The following ERGIC1 variants were observed in gnomAD, a reference collection of about 807,000 sequenced individuals.
The protein encoded by ERGIC1 is endoplasmic reticulum-golgi intermediate compartment 1.
A neutral mutation model predicts 38.3 loss-of-function variants in ERGIC1; 19 were observed. The ratio of observed to expected loss-of-function variants is 0.50; its 90% CI spans 0.35 to 0.73. The LOEUF (loss-of-function observed/expected upper bound fraction) is 0.73. ERGIC1 is among the 30% of genes least tolerant of loss of function. The pLI is 0.01. For missense variants in ERGIC1, 294 were observed against 389.2 expected, an observed-to-expected ratio of 0.76 and a Z score of 2.06; for synonymous variants, 124 against 157.6, an observed-to-expected ratio of 0.79 and a Z score of 1.60.
intron 1 of ERGIC1, among the ~76,000 whole-genome samples, chr5:172,875,295 A>G (rs192657139): frequency 2.2e-4 from 34 of 152,194 alleles, no homozygotes; most frequent in African/African-American, 8.2e-4. Flanking sequence ...AGGATGCCAG[A>G]GTTTTTATCT....
Position 172,914,849 on chromosome 5 carries a change from C to T in ERGIC1, c.375+11C>T, listed in dbSNP as rs2113408549. 1 of 1,614,076 alleles carries T rather than the reference C, an allele frequency of 6.2e-7. No homozygotes were observed. The highest frequency in any genetic ancestry group is 8.5e-7 in the Non-Finnish European group (1 of 1,179,998). On this transcript the variant is annotated intron_variant, in intron 5 of 9. Coordinates refer to ENST00000393784, the MANE Select transcript of ERGIC1 (RefSeq NM_001031711.3). ...TTCAGCATCAACAAGGTATGGAAGCCCTGCCTCAGCCCTTTCTACCTGCTC... is the reference window on the plus strand; with the variant it reads ...TTCAGCATCAACAAGGTATGGAAGCTCTGCCTCAGCCCTTTCTACCTGCTC...
intron 1 of ERGIC1, among the ~76,000 whole-genome samples, chr5:172,859,940 G>A (rs1321691973): frequency 6.6e-6 from 1 of 152,258 alleles, no homozygotes; most frequent in Non-Finnish European, 1.5e-5. Context: ...CCTTTAAGCT[G>A]TGCTTTGCCT....
intron 1 of ERGIC1, among the ~76,000 whole-genome samples, chr5:172,851,221 T>A (rs770849976): frequency 0.066 from 7,138 of 108,048 alleles, 236 homozygotes; most frequent in Middle Eastern, 0.16. Context: ...AAAAAAAAAA[T>A]TAAAAATTCA....
chr5:172,952,572 A>G lies in ERGIC1; in HGVS notation c.*1756A>G, dbSNP rs1318237574. 6.6e-6 allele frequency: 1 copy of G among 151,496 alleles called. No homozygotes were observed. The highest frequency in any genetic ancestry group is 2.4e-5 in the African/African-American group (1 of 41,210). 9.4% of individuals were successfully genotyped at this position (151,496 alleles called of 1,614,324 possible). A position where few individuals can be genotyped will look rare whatever the true frequency, so the allele number is the denominator to read the frequency against. On this transcript the variant is annotated 3_prime_UTR_variant, in exon 10 of 10. Coordinates refer to ENST00000393784, the MANE Select transcript of ERGIC1 (RefSeq NM_001031711.3). Reference sequence around the variant, plus strand: ...ATAGGGGATGTCAGTTTCCTATGGAAGAGACACCTCTGACCCGTTATTCTT... The same window carrying G: ...ATAGGGGATGTCAGTTTCCTATGGAGGAGACACCTCTGACCCGTTATTCTT...
At chr5:172,919,593 T>C (rs1486940330) in intron 5 of ERGIC1, among the ~76,000 whole-genome samples, 1 of 152,242 alleles carries the variant, frequency 6.6e-6, no homozygotes, top group African/African-American at 2.4e-5. Context: ...CCATGGTCAC[T>C]GGTTGAATGA....
Position 172,846,260 on chromosome 5 carries a change from C to A in ERGIC1, c.20+11827C>A, listed in dbSNP as rs2113526175. ...CCTCCTGGAGGGAAGTGGACTGACT[C>A]CCAGCATCTAGAATCCCTTGTGTGA... On this transcript the variant is annotated intron_variant, in intron 1 of 9. Transcript: ENST00000393784. The surrounding 1 kb of genome is among the most constrained non-coding windows in gnomAD (Gnocchi z 4.0). Among the ~76,000 whole-genome samples, 1 of 152,310 alleles carries A rather than the reference C, an allele frequency of 6.6e-6. No homozygotes were observed. Among genetic ancestry groups the A allele is most frequent in the South Asian group, 2.1e-4 (1 of 4,828 alleles).
At chr5:172,891,214 G>T (rs1332591864) in intron 2 of ERGIC1, among the ~76,000 whole-genome samples, 1 of 152,086 alleles carries the variant, frequency 6.6e-6, no homozygotes. Context: ...GTGCAGCTTT[G>T]TGCCTTGACT....
chr5:172,878,437 CAG>C (rs1762199839), intron 1 of ERGIC1, among the ~76,000 whole-genome samples: 1 of 152,132 alleles, frequency 6.6e-6, no homozygotes, highest in Admixed American at 6.5e-5. Context: ...GCAAGTAAAA[CAG>C]AAAGAATGCT....
chr5:172,949,516 T>C (rs1232785331), intron 9 of ERGIC1, among the ~76,000 whole-genome samples: 2 of 152,310 alleles, frequency 1.3e-5, no homozygotes, highest in African/African-American at 4.8e-5. Context: ...TATATTATGA[T>C]GTGGCAGACA....
At chr5:172,865,543 C>T (rs545850034) in intron 1 of ERGIC1, among the ~76,000 whole-genome samples, 2 of 152,202 alleles carry the variant, frequency 1.3e-5, no homozygotes, top group Admixed American at 1.3e-4. Flanking sequence ...TACCTGATAC[C>T]CCCATGTGGC....
At chr5:172,874,076 A>G (rs916675295) in intron 1 of ERGIC1, among the ~76,000 whole-genome samples, 8 of 151,846 alleles carry the variant, frequency 5.3e-5, no homozygotes, top group African/African-American at 1.9e-4. Flanking sequence ...GGGCCCTGGA[A>G]TCTGCAAATT....
intron 9 of ERGIC1, among the ~76,000 whole-genome samples, chr5:172,945,661 G>A (rs963912154): frequency 1.1e-4 from 16 of 141,920 alleles, no homozygotes; most frequent in Non-Finnish European, 2.2e-4. Context: ...TAGAGCCGCA[G>A]GGGTTTTGTC....
intron 4 of ERGIC1, among the ~76,000 whole-genome samples, chr5:172,911,595 C>T (rs1763209801): frequency 6.6e-6 from 1 of 152,102 alleles, no homozygotes; most frequent in South Asian, 2.1e-4. Context: ...AACGCATGCT[C>T]ATCATTGTAC....
intron 9 of ERGIC1, among the ~76,000 whole-genome samples, chr5:172,943,334 C>G (rs1420140016): frequency 2.0e-5 from 3 of 151,800 alleles, no homozygotes; most frequent in African/African-American, 7.3e-5. Context: ...ATACCACACG[C>G]TCTCCTCCCC....
intron 5 of ERGIC1, 102 bp downstream of exon 5, chr5:172,914,940 G>A (rs2113409248): frequency 6.4e-7 from 1 of 1,551,714 alleles, no homozygotes; most frequent in Non-Finnish European, 8.8e-7. Flanking sequence ...ACCTGACCCT[G>A]ACACAGCCCC....
chr5:172,930,095 G>C (rs1456194750), intron 7 of ERGIC1, among the ~76,000 whole-genome samples: 4 of 151,438 alleles, frequency 2.6e-5, no homozygotes, highest in South Asian at 2.1e-4. Context: ...GGCTGAGGAA[G>C]GAGAATCACT....
chr5:172,878,918 C>T (rs759334499), intron 1 of ERGIC1, among the ~76,000 whole-genome samples: 7 of 152,190 alleles, frequency 4.6e-5, no homozygotes, highest in East Asian at 1.9e-4. Flanking sequence ...CCCTGGCACT[C>T]GGCACCGAGG....
At position 172,901,251 on chromosome 5, in the gene ERGIC1, G is replaced by C. The variant is rs925652808; in HGVS notation, c.155+4177G>C. Reference sequence around the variant, plus strand: ...CTGGCCTGGGCCTGGTGGGGGGTGAGGGGGAGGCACATTTGTTTGGGTGGT... The same window carrying C: ...CTGGCCTGGGCCTGGTGGGGGGTGACGGGGAGGCACATTTGTTTGGGTGGT... On this transcript the variant is annotated intron_variant, in intron 3 of 9. Transcript: ENST00000393784. Among the ~76,000 whole-genome samples, 8 of 152,218 alleles carry C rather than the reference G, an allele frequency of 5.3e-5. No individual in the cohort carries two copies. The South Asian group carries it at 6.2e-4, about 12-fold the overall frequency.
intron 1 of ERGIC1, among the ~76,000 whole-genome samples, chr5:172,870,675 G>A (rs902049628): frequency 6.6e-6 from 1 of 152,246 alleles, no homozygotes; most frequent in Non-Finnish European, 1.5e-5. Flanking sequence ...AACTGTTGAA[G>A]AAAGCACAAG....
Sources: gnomAD v4.1 joint callset for allele counts (sites outside exome capture counted in the v4.1 genomes callset) on GRCh38, gnomAD v4.1.1 for gene constraint, Gnocchi (gnomAD v3.1) non-coding constraint, MANE v1.5 for transcripts, NCBI Gene and HGNC (gene_info 2026-07-23, HGNC 2026-07-21) for gene names.